The following NAALADL2 variants were observed in gnomAD, a reference collection of about 807,000 sequenced individuals.
The protein encoded by NAALADL2 is N-acetylated alpha-linked acidic dipeptidase like 2.
NAALADL2 carries 76 observed loss-of-function variants against 87.2 expected under a neutral mutation model. The observed-to-expected ratio is 0.87, with a 90% CI of 0.72 to 1.05. The LOEUF (loss-of-function observed/expected upper bound fraction) is 1.05. NAALADL2 is among the 50% of genes least tolerant of loss of function. The pLI, the probability that NAALADL2 is intolerant of heterozygous loss-of-function variation, is 0.00. For synonymous variants in NAALADL2, 354 were observed against 331.0 expected, an observed-to-expected ratio of 1.07 and a Z score of -0.75; for missense variants, 1,089 against 945.8, an observed-to-expected ratio of 1.15 and a Z score of -1.99.
chr3:174,712,292 CTCT>C (rs1418821922), intron 2 of NAALADL2, among the ~76,000 whole-genome samples: 2 of 151,410 alleles, frequency 1.3e-5, no homozygotes, highest in Non-Finnish European at 2.9e-5. Flanking sequence ...CGTCTGGCTC[CTCT>C]TCTTAACGTA....
At chr3:175,394,114 G>GA (rs1255033967) in intron 5 of NAALADL2, among the ~76,000 whole-genome samples, 1 of 152,030 alleles carries the variant, frequency 6.6e-6, no homozygotes, top group Non-Finnish European at 1.5e-5. Flanking sequence ...TATTCCTGAG[G>GA]AAAAAGAAAA....
intron 5 of NAALADL2, among the ~76,000 whole-genome samples, chr3:175,398,344 CTTTTTTTTT>C (rs776575751): frequency 2.2e-4 from 25 of 112,054 alleles, no homozygotes; most frequent in Non-Finnish European, 3.4e-4. Context: ...GCTTCTGCTA[CTTTTTTTTT>C]TTTTTTTTTT....
intron 2 of NAALADL2, among the ~76,000 whole-genome samples, chr3:174,660,493 T>A (rs1278822716): frequency 6.6e-6 from 1 of 152,150 alleles, no homozygotes; most frequent in African/African-American, 2.4e-5. Flanking sequence ...CAATATTTCT[T>A]AAAAATTTGT....
chr3:175,471,624 T>A lies in NAALADL2; in HGVS notation c.1534-15T>A, dbSNP rs1724908264. On this transcript the variant is annotated splice_polypyrimidine_tract_variant and intron_variant, in intron 8 of 13. Transcript: ENST00000454872. ...TTTGTCTTACAGATAGATCCTTTTT[T>A]TTTTGTTATTTCAGGATTTCAAGAA... 1 of 1,353,376 alleles carries A rather than the reference T, an allele frequency of 7.4e-7. No individual in the cohort carries two copies. 83.8% of individuals were successfully genotyped at this position (1,353,376 alleles called of 1,614,324 possible).
intron 5 of NAALADL2, among the ~76,000 whole-genome samples, chr3:175,357,998 A>G (rs1044383112): frequency 6.6e-6 from 1 of 152,194 alleles, no homozygotes; most frequent in Non-Finnish European, 1.5e-5. Flanking sequence ...GGGGGGCAGC[A>G]GATAGCTTAG....
intron 4 of NAALADL2, among the ~76,000 whole-genome samples, chr3:175,263,308 G>T (rs927690508): frequency 6.6e-6 from 1 of 151,866 alleles, no homozygotes; most frequent in Non-Finnish European, 1.5e-5. Flanking sequence ...TCATTATTCT[G>T]CAATTTAGCA....
At chr3:174,936,605 T>C (rs1298625130) in intron 1 of NAALADL2, among the ~76,000 whole-genome samples, 2 of 152,112 alleles carry the variant, frequency 1.3e-5, no homozygotes, top group Admixed American at 6.6e-5. Context: ...TAGGATTGTT[T>C]TGGTAATACT....
chr3:174,966,172 T>C (rs1223072498), intron 1 of NAALADL2, among the ~76,000 whole-genome samples: 1 of 152,178 alleles, frequency 6.6e-6, no homozygotes, highest in Non-Finnish European at 1.5e-5. Flanking sequence ...CACATCAATC[T>C]TCTTAAAACA....
intron 1 of NAALADL2, among the ~76,000 whole-genome samples, chr3:175,025,953 G>T (rs1752165226): frequency 6.6e-6 from 1 of 152,066 alleles, no homozygotes; most frequent in African/African-American, 2.4e-5. Context: ...GGGACTGTAG[G>T]TGCATACCAC....
chr3:175,342,979 T>C (rs1228958595), intron 5 of NAALADL2, among the ~76,000 whole-genome samples: 1 of 152,092 alleles, frequency 6.6e-6, no homozygotes. Flanking sequence ...ATACCCCAGA[T>C]TGAACAATAG....
chr3:175,328,199 T>A (rs902846316), intron 5 of NAALADL2, among the ~76,000 whole-genome samples: 2 of 151,854 alleles, frequency 1.3e-5, no homozygotes, highest in African/African-American at 4.9e-5. Flanking sequence ...GTGGAACTTT[T>A]GATCTCCATC....
intron 1 of NAALADL2, among the ~76,000 whole-genome samples, chr3:174,878,542 C>T (rs113318556): frequency 0.019 from 2,925 of 152,176 alleles, 102 homozygotes; most frequent in African/African-American, 0.066. Flanking sequence ...CCTGGGATTA[C>T]ATTTCTTATA....
chr3:174,715,735 A>T (rs1731124442), intron 2 of NAALADL2, among the ~76,000 whole-genome samples: 1 of 152,146 alleles, frequency 6.6e-6, no homozygotes, highest in Non-Finnish European at 1.5e-5. Flanking sequence ...ATGTGTTAGA[A>T]GGTATTATAG....
chr3:175,191,259 T>A (rs544977888), intron 2 of NAALADL2, among the ~76,000 whole-genome samples: 131 of 152,212 alleles, frequency 8.6e-4, no homozygotes, highest in Non-Finnish European at 1.2e-3. Flanking sequence ...ATTATTTTTT[T>A]AAAAAATCCC....
chr3:175,777,419 T>A (rs1019881464), intron 13 of NAALADL2, among the ~76,000 whole-genome samples: 5 of 152,084 alleles, frequency 3.3e-5, no homozygotes, highest in Non-Finnish European at 7.4e-5. Context: ...ATTATATGCA[T>A]TAAAATATGC....
upstream of NAALADL2, among the ~76,000 whole-genome samples, chr3:174,856,152 C>T (rs1725846353): frequency 6.6e-6 from 1 of 151,878 alleles, no homozygotes; most frequent in Non-Finnish European, 1.5e-5. Flanking sequence ...ACTACAGGCA[C>T]ACACCATCAT....
At chr3:175,358,463 G>A (rs1477957283) in intron 5 of NAALADL2, among the ~76,000 whole-genome samples, 1 of 151,482 alleles carries the variant, frequency 6.6e-6, no homozygotes, top group Non-Finnish European at 1.5e-5. Flanking sequence ...CTCTAAGAAA[G>A]CTAAAGAATA....
chr3:175,677,233 T>A (rs1044402712), intron 11 of NAALADL2, among the ~76,000 whole-genome samples: 1 of 151,904 alleles, frequency 6.6e-6, no homozygotes, highest in Non-Finnish European at 1.5e-5. Context: ...CGTGGTGGTG[T>A]GCGCCTGTAG....
Position 175,328,351 on chromosome 3 carries a change from C to T in NAALADL2, c.1090+4026C>T, listed in dbSNP as rs139414810. On this transcript the variant is annotated intron_variant, in intron 5 of 13. Transcript: ENST00000454872. ...CTTGTTCATTTATTTGTATTATCCT[C>T]ATTAGATTGAACCTGTATAGGTTTA... Among the ~76,000 whole-genome samples, 372 of 151,844 alleles carry T rather than the reference C, an allele frequency of 2.4e-3. 3 individuals carry two copies. Among genetic ancestry groups the T allele is most frequent in the East Asian group, 0.016 (82 of 5,170 alleles).
Sources: gnomAD v4.1 joint callset for allele counts (sites outside exome capture counted in the v4.1 genomes callset) on GRCh38, gnomAD v4.1.1 for gene constraint, MANE v1.5 for transcripts, NCBI Gene and HGNC (gene_info 2026-07-23, HGNC 2026-07-21) for gene names.